Variants in ADAMTS16 observed in about 807,000 individuals in gnomAD.
ADAMTS16 encodes A disintegrin and metalloproteinase with thrombospondin motifs 16.
ADAMTS16 carries 94 observed loss-of-function variants against 145.8 expected under a neutral mutation model. The observed-to-expected ratio is 0.64, with a 90% confidence interval of 0.55 to 0.77. The LOEUF is 0.77. ADAMTS16 is among the 30% of genes least tolerant of loss of function. The pLI, the probability that ADAMTS16 is intolerant of heterozygous loss-of-function variation, is 0.00. For missense variants in ADAMTS16, 1,585 were observed against 1,591.5 expected, an observed-to-expected ratio of 1.00 and a Z score of 0.07; for synonymous variants, 659 against 604.3, an observed-to-expected ratio of 1.09 and a Z score of -1.33.
intron 2 of ADAMTS16, among the ~76,000 whole-genome samples, chr5:5,142,545 A>G (rs1734195089): frequency 6.6e-6 from 1 of 152,190 alleles, no homozygotes; most frequent in Non-Finnish European, 1.5e-5. Flanking sequence ...CCTCCTCAAC[A>G]GTGTTGCCTG....
intron 9 of ADAMTS16, among the ~76,000 whole-genome samples, chr5:5,200,960 C>T (rs115623212): frequency 0.019 from 2,855 of 152,244 alleles, 52 homozygotes; most frequent in South Asian, 0.044. Flanking sequence ...GTTCTTAGAA[C>T]TGCTAGTTTA....
At chr5:5,195,832 T>C (rs1054593433) in intron 8 of ADAMTS16, among the ~76,000 whole-genome samples, 1 of 152,072 alleles carries the variant, frequency 6.6e-6, no homozygotes, top group Admixed American at 6.6e-5. Flanking sequence ...TTCCAAAGTT[T>C]AAGAGAAAAG....
In ADAMTS16 at chr5:5,298,284, G is replaced by A. The variant is rs113084904; in HGVS notation, c.2790-4984G>A. Among the ~76,000 whole-genome samples the A allele has an allele frequency of 5.0e-3, 765 of 152,364 alleles. 10 individuals are homozygous for A. Among genetic ancestry groups the A allele is most frequent in the African/African-American group, 0.018 (728 of 41,584 alleles). On this transcript the variant is annotated intron_variant, in intron 18 of 22. Transcript: ENST00000274181. ...GGAGTGCATTGCTCCAGCAGGCATC[G>A]TGTGTGGGCACAGTGCAATCTGTCT...
chr5:5,207,478 T>C (rs148559232), intron 9 of ADAMTS16, among the ~76,000 whole-genome samples: 21 of 152,322 alleles, frequency 1.4e-4, no homozygotes, highest in Non-Finnish European at 2.5e-4. Context: ...ATGTCATCTA[T>C]GAACAAAGAT....
At position 5,206,421 on chromosome 5, in the gene ADAMTS16, G is replaced by A. The variant is rs1171778646; in HGVS notation, c.1452-2672G>A. Among the ~76,000 whole-genome samples the A allele has an allele frequency of 2.5e-3, 44 of 17,618 alleles. 1 individual carries two copies. Among genetic ancestry groups the A allele is most frequent in the African/African-American group, 0.011 (36 of 3,218 alleles). 11.6% of individuals were successfully genotyped at this position (17,618 alleles called of 152,430 possible). A position where few individuals can be genotyped will look rare whatever the true frequency, so the allele number is the denominator to read the frequency against. ...AGCCTGGGCGACAGAGCGAGACTCCGTCTCAAAAAAAAAAAAAAAAAAAAA... is the reference window on the plus strand; with the variant it reads ...AGCCTGGGCGACAGAGCGAGACTCCATCTCAAAAAAAAAAAAAAAAAAAAA... On this transcript the variant is annotated intron_variant, in intron 9 of 22. Coordinates refer to ENST00000274181, the MANE Select transcript of ADAMTS16 (RefSeq NM_139056.4).
intron 3 of ADAMTS16, among the ~76,000 whole-genome samples, chr5:5,175,578 C>G (rs1735170373): frequency 6.6e-6 from 1 of 152,120 alleles, no homozygotes. Flanking sequence ...CCAGAACTTG[C>G]CTAGGAATTT....
At chr5:5,159,215 T>C (rs1438988683) in intron 3 of ADAMTS16, among the ~76,000 whole-genome samples, 2 of 152,214 alleles carry the variant, frequency 1.3e-5, no homozygotes, top group Admixed American at 1.3e-4. Context: ...AAGAAAGATA[T>C]TGACTTAGAC....
chr5:5,166,940 C>T (rs1253864888), intron 3 of ADAMTS16, among the ~76,000 whole-genome samples: 2 of 152,208 alleles, frequency 1.3e-5, no homozygotes, highest in African/African-American at 4.8e-5. Flanking sequence ...TGCTCACAGC[C>T]AGCTGCTCGC....
At chr5:5,267,865 G>A (rs1024094472) in intron 18 of ADAMTS16, among the ~76,000 whole-genome samples, 22 of 152,086 alleles carry the variant, frequency 1.4e-4, no homozygotes, top group Non-Finnish European at 2.4e-4. Flanking sequence ...TCCCTGCCCC[G>A]CTCCCATATC....
chr5:5,264,393 G>A (rs1738156814), intron 18 of ADAMTS16, among the ~76,000 whole-genome samples: 1 of 152,054 alleles, frequency 6.6e-6, no homozygotes, highest in Non-Finnish European at 1.5e-5. Context: ...GGCACTCAAA[G>A]ACTTAATACA....
At chr5:5,151,348 C>T (rs911859368) in intron 3 of ADAMTS16, among the ~76,000 whole-genome samples, 3 of 151,896 alleles carry the variant, frequency 2.0e-5, no homozygotes, top group African/African-American at 7.3e-5. Context: ...AAGTGATTCT[C>T]CTGCCTCAGC....
intron 3 of ADAMTS16, among the ~76,000 whole-genome samples, chr5:5,147,788 A>G (rs1734343091): frequency 6.6e-6 from 1 of 152,248 alleles, no homozygotes; most frequent in Non-Finnish European, 1.5e-5. Flanking sequence ...TAAGCCAGAA[A>G]TGGAAGCCAT....
At chr5:5,256,414 C>G (rs539794973) in intron 17 of ADAMTS16, among the ~76,000 whole-genome samples, 23 of 152,208 alleles carry the variant, frequency 1.5e-4, no homozygotes, top group Non-Finnish European at 3.1e-4. Context: ...GCAAAACTTG[C>G]ACCTGCATTG....
chr5:5,236,560 A>G (rs373160505), intron 13 of ADAMTS16, among the ~76,000 whole-genome samples: 1 of 151,908 alleles, frequency 6.6e-6, no homozygotes, highest in South Asian at 2.1e-4. Context: ...GATGTTTTTG[A>G]TTCTTTTATT....
chr5:5,262,839 G>A (rs1299518495), intron 18 of ADAMTS16, 56 bp downstream of exon 18: 2 of 1,594,966 alleles, frequency 1.3e-6, no homozygotes, highest in Non-Finnish European at 1.7e-6. Flanking sequence ...CGTGCTCAGC[G>A]AGTCTTGCAG....
In ADAMTS16 at chr5:5,209,187, A is replaced by G. The variant is rs746363009; in HGVS notation, c.1546A>G (p.Thr516Ala). Residue 516 changes from threonine to alanine, a missense_variant, in exon 10 of 23, where the codon ACA becomes GCA. Physicochemically the swap from Thr to Ala is moderately conservative, Grantham distance 58. This residue lies in a region of ADAMTS16 where 298 missense variants were observed against 367.6 expected (regional missense o/e 0.81). Transcript: ENST00000274181. ...KLPGELYDAN[T>A]QCKWQFGEKA... is the part of the protein sequence containing the mutation. ...GCCAGGAGAATTATATGATGCAAAC[A>G]CACAGTGCAAGTGGCAGTTCGGAGA... 6 of 1,614,006 alleles carry G rather than the reference A, an allele frequency of 3.7e-6. No individual in the cohort carries two copies. In the Admixed American group the frequency reaches 1.0e-4, roughly 27 times the overall value.
At chr5:5,208,096 G>A (rs1008007322) in intron 9 of ADAMTS16, among the ~76,000 whole-genome samples, 3 of 152,148 alleles carry the variant, frequency 2.0e-5, no homozygotes, top group African/African-American at 7.2e-5. Context: ...TAGAGAATTG[G>A]TATAAGTTCT....
intron 3 of ADAMTS16, among the ~76,000 whole-genome samples, chr5:5,168,967 C>T (rs138968284): frequency 4.5e-4 from 68 of 151,540 alleles, no homozygotes; most frequent in Non-Finnish European, 8.4e-4. Context: ...GTGCCGCTTC[C>T]TCCATCTCAT....
intron 17 of ADAMTS16, among the ~76,000 whole-genome samples, chr5:5,243,867 T>C (rs1020746146): frequency 3.9e-5 from 6 of 152,198 alleles, no homozygotes; most frequent in Non-Finnish European, 5.9e-5. Flanking sequence ...ACTGAATGGA[T>C]GATTAGTGTA....
Sources: allele counts gnomAD v4.1 joint callset (sites outside exome capture counted in the v4.1 genomes callset), GRCh38; gene constraint gnomAD v4.1.1; regional missense constraint gnomAD v4.1.1; transcripts MANE v1.5; gene names NCBI Gene and HGNC (gene_info 2026-07-23, HGNC 2026-07-21).